The following RERE variants were observed in gnomAD, a reference collection of about 807,000 sequenced individuals.
RERE encodes arginine-glutamic acid dipeptide repeats.
RERE carries 40 observed loss-of-function variants against 146.1 expected under a neutral mutation model. The ratio of observed to expected loss-of-function variants is 0.27; its 90% CI spans 0.21 to 0.36. The LOEUF is 0.36. Ranked by LOEUF, RERE falls within the 10% of genes least tolerant of loss-of-function variation. The probability of loss-of-function intolerance (pLI) is 1.00; values close to 1 mark genes in which losing one functional copy is unlikely to be tolerated. For missense variants in RERE, 1,933 were observed against 2,138.7 expected, an observed-to-expected ratio of 0.90 and a Z score of 1.90; for synonymous variants, 1,003 against 866.0, an observed-to-expected ratio of 1.16 and a Z score of -2.78.
intron 2 of RERE, among the ~76,000 whole-genome samples, chr1:8,641,260 T>C (rs1647172589): frequency 6.6e-6 from 1 of 152,196 alleles, no homozygotes; most frequent in South Asian, 2.1e-4. Flanking sequence ...TAGTTTCCCT[T>C]TAAACAGAGC....
At chr1:8,566,493 G>A (rs559328124) in intron 4 of RERE, among the ~76,000 whole-genome samples, 16 of 152,028 alleles carry the variant, frequency 1.1e-4, no homozygotes, top group Non-Finnish European at 1.6e-4. Flanking sequence ...GGTGGCGACC[G>A]CCTGTAATCC....
intron 1 of RERE, among the ~76,000 whole-genome samples, chr1:8,810,904 G>C (rs1351429090): frequency 6.6e-6 from 1 of 152,154 alleles, no homozygotes; most frequent in African/African-American, 2.4e-5. Flanking sequence ...AGGCAGGTAG[G>C]TAGACAGGTA....
At chr1:8,508,497 A>T (rs538220821) in intron 8 of RERE, 130 bp downstream of exon 8, 1 of 697,428 alleles carries the variant, frequency 1.4e-6, no homozygotes, top group East Asian at 2.7e-5. Flanking sequence ...GGTGGAAAAA[A>T]AACCTCTGTA....
chr1:8,611,675 T>C (rs535293785), intron 4 of RERE, among the ~76,000 whole-genome samples: 30 of 152,332 alleles, frequency 2.0e-4, no homozygotes, highest in Non-Finnish European at 3.5e-4. Flanking sequence ...TAGTCCTTGA[T>C]CTTCTAGTGA....
chr1:8,674,750 T>G (rs1464454820), intron 1 of RERE, among the ~76,000 whole-genome samples: 1 of 152,212 alleles, frequency 6.6e-6, no homozygotes, highest in Non-Finnish European at 1.5e-5. Flanking sequence ...TTTTACATAC[T>G]CATACTTCAT....
chr1:8,434,490 T>C (rs540561494), intron 11 of RERE: 2 of 152,282 alleles, frequency 1.3e-5, no homozygotes, highest in African/African-American at 4.8e-5. Flanking sequence ...ACAAACTATA[T>C]TTTCTAGAGG....
chr1:8,529,786 AAGG>A (rs1645618872), intron 7 of RERE, among the ~76,000 whole-genome samples: 1 of 152,156 alleles, frequency 6.6e-6, no homozygotes, highest in African/African-American at 2.4e-5. Flanking sequence ...AGAGAATCTC[AAGG>A]AGTCTTGAAA....
At position 8,365,885 on chromosome 1, in the gene RERE, C is replaced by T; in HGVS notation, c.1374G>A (p.Val458=). ...RAHRRHRRQA[V]FRRIKTRTAS... The stretch of plus-strand genomic sequence containing the variant: ...CGGTGCGAGTCTTAATCCTCCTGAA[C>T]ACGGCCTGCCTGCGGTGCCTACGAT... The change falls in exon 13 of 23, where the codon GTG becomes GTA. Residue 458 remains valine (V), a synonymous_variant. Coordinates refer to ENST00000400908, the MANE Select transcript of RERE (RefSeq NM_001042681.2). 1 of 1,614,184 alleles carries T rather than the reference C, an allele frequency of 6.2e-7. No individual in the cohort carries two copies. Among genetic ancestry groups the T allele is most frequent in the Non-Finnish European group, 8.5e-7 (1 of 1,180,032 alleles).
chr1:8,431,265 A>G (rs1644091729), intron 11 of RERE, among the ~76,000 whole-genome samples: 1 of 152,010 alleles, frequency 6.6e-6, no homozygotes, highest in African/African-American at 2.4e-5. Context: ...CCTGAGCTCT[A>G]CCTCCTGTCA....
At chr1:8,610,384 T>G (rs1261958324) in intron 4 of RERE, among the ~76,000 whole-genome samples, 1 of 151,218 alleles carries the variant, frequency 6.6e-6, no homozygotes, top group Non-Finnish European at 1.5e-5. Flanking sequence ...AGGTCAGCAG[T>G]TCGAGACCAG....
At chr1:8,376,420 C>T (rs951808917) in intron 12 of RERE, among the ~76,000 whole-genome samples, 5 of 152,178 alleles carry the variant, frequency 3.3e-5, no homozygotes, top group Non-Finnish European at 7.3e-5. Context: ...AAATCAGAAG[C>T]ACATTTGGTA....
At chr1:8,399,953 C>G (rs1397864480) in intron 12 of RERE, among the ~76,000 whole-genome samples, 1 of 151,798 alleles carries the variant, frequency 6.6e-6, no homozygotes, top group Non-Finnish European at 1.5e-5. Context: ...GACTCCAACT[C>G]CTGGGCCTAA....
At chr1:8,528,492 CT>C (rs1645597556) in intron 7 of RERE, among the ~76,000 whole-genome samples, 4 of 152,120 alleles carry the variant, frequency 2.6e-5, no homozygotes, top group African/African-American at 9.7e-5. Context: ...GGAATACACA[CT>C]AAAGTATTCA....
At chr1:8,748,878 G>A (rs887810914) in intron 1 of RERE, among the ~76,000 whole-genome samples, 1 of 152,126 alleles carries the variant, frequency 6.6e-6, no homozygotes, top group African/African-American at 2.4e-5. Flanking sequence ...TCATAATGAG[G>A]TATCAGAACA....
intron 3 of RERE, among the ~76,000 whole-genome samples, chr1:8,623,800 T>A (rs184553286): frequency 1.3e-5 from 2 of 152,138 alleles, no homozygotes; most frequent in Admixed American, 1.3e-4. Context: ...AAAGAAAGTA[T>A]AACAACTTTA....
intron 2 of RERE, among the ~76,000 whole-genome samples, chr1:8,647,641 A>ATATGTG (rs371893375): frequency 0.063 from 9,398 of 148,544 alleles, 316 homozygotes; most frequent in Non-Finnish European, 0.068. Flanking sequence ...TAAAATATGT[A>ATATGTG]TGTGTGTGTG....
chr1:8,473,604 C>T (rs1644717585), intron 10 of RERE, among the ~76,000 whole-genome samples: 1 of 152,226 alleles, frequency 6.6e-6, no homozygotes, highest in Non-Finnish European at 1.5e-5. Flanking sequence ...CAGTAACTAA[C>T]TCTGGGTGCT....
chr1:8,704,541 C>T (rs185366611), intron 1 of RERE, among the ~76,000 whole-genome samples: 50 of 152,274 alleles, frequency 3.3e-4, no homozygotes, highest in African/African-American at 1.1e-3. Context: ...ATCAGGTACT[C>T]TCTTTCCAAT....
rs368954076 is a variant in RERE at position 8,658,809 on chromosome 1, T to C, written c.-144-2368A>G. Among the ~76,000 whole-genome samples, 12 of 151,952 alleles carry C rather than the reference T, an allele frequency of 7.9e-5. No individual in the cohort carries two copies. In the East Asian group the frequency reaches 1.5e-3, roughly 20 times the overall value. On this transcript the variant is annotated intron_variant, in intron 1 of 22. Coordinates refer to ENST00000400908, the MANE Select transcript of RERE (RefSeq NM_001042681.2). ...GAAAAAAGAAAATTCTCTTTGGTCA[T>C]GCTAAAACCATAACAATTACCATAT...
Sources: gnomAD v4.1 joint callset for allele counts (sites outside exome capture counted in the v4.1 genomes callset) on GRCh38, gnomAD v4.1.1 for gene constraint, MANE v1.5 for transcripts, NCBI Gene and HGNC (gene_info 2026-07-23, HGNC 2026-07-21) for gene names.